The following JAK2 variants were observed in gnomAD, a reference collection of about 807,000 sequenced individuals.
JAK2 encodes Janus kinase 2.
Under a neutral mutation model 139.3 loss-of-function variants are expected in JAK2, and 86 were observed. The ratio of observed to expected loss-of-function variants is 0.62; its 90% CI spans 0.52 to 0.74. The LOEUF (loss-of-function observed/expected upper bound fraction) is 0.74. JAK2 is among the 30% of genes least tolerant of loss of function. The pLI is 0.00. For missense variants in JAK2, 1,421 were observed against 1,360.3 expected (o/e 1.04, Z -0.70); for synonymous variants, 490 against 437.7 (o/e 1.12, Z -1.49).
chr9:5,113,925 G>A (rs907485145), intron 22 of JAK2: 8 of 237,096 alleles, frequency 3.4e-5, no homozygotes, highest in African/African-American at 1.2e-4. Flanking sequence ...ACTTACCCCC[G>A]ACCATCCAGT....
At chr9:5,026,870 T>A (rs1822816879) in intron 3 of JAK2, among the ~76,000 whole-genome samples, 2 of 152,230 alleles carry the variant, frequency 1.3e-5, no homozygotes, top group Admixed American at 6.5e-5. Context: ...AGAAATTACA[T>A]ATGCACTCAC....
intron 23 of JAK2, among the ~76,000 whole-genome samples, chr9:5,124,851 C>A (rs983101061): frequency 6.6e-6 from 1 of 151,332 alleles, no homozygotes; most frequent in African/African-American, 2.4e-5. Flanking sequence ...GAATAGTAAG[C>A]CTAGGACTCA....
chr9:5,016,792 T>A (rs1822095789), intron 2 of JAK2, among the ~76,000 whole-genome samples: 1 of 152,082 alleles, frequency 6.6e-6, no homozygotes, highest in South Asian at 2.1e-4. Flanking sequence ...TATCCTAACT[T>A]TTTTTCACCA....
intron 22 of JAK2, chr9:5,108,488 C>T (rs1043599068): frequency 1.3e-5 from 2 of 152,064 alleles, no homozygotes; most frequent in African/African-American, 4.8e-5. Context: ...TGTTAGCCTC[C>T]TTATCCAATA....
intron 23 of JAK2, among the ~76,000 whole-genome samples, chr9:5,125,485 T>G (rs1564028810): frequency 2.0e-5 from 3 of 151,466 alleles, no homozygotes; most frequent in African/African-American, 7.2e-5. Context: ...AACATCCTCA[T>G]GCATAAATAT....
At chr9:5,046,031 A>G (rs540912343) in intron 5 of JAK2, among the ~76,000 whole-genome samples, 2 of 152,288 alleles carry the variant, frequency 1.3e-5, no homozygotes, top group South Asian at 4.1e-4. Flanking sequence ...CAATTTCTCA[A>G]CATCCTCAAC....
intron 2 of JAK2, among the ~76,000 whole-genome samples, chr9:5,007,057 T>C (rs958877462): frequency 3.5e-4 from 54 of 152,162 alleles, no homozygotes; most frequent in African/African-American, 1.2e-3. Flanking sequence ...TTTATCAATT[T>C]TAATGCTTTT....
intron 8 of JAK2, among the ~76,000 whole-genome samples, chr9:5,064,662 C>T (rs1277421526): frequency 6.6e-6 from 1 of 152,042 alleles, no homozygotes; most frequent in African/African-American, 2.4e-5. Context: ...AAAATGATGG[C>T]TATAGAGTGA....
chr9:4,996,081 A>G (rs934409108), intron 2 of JAK2, among the ~76,000 whole-genome samples: 1 of 152,240 alleles, frequency 6.6e-6, no homozygotes, highest in Non-Finnish European at 1.5e-5. Flanking sequence ...GGATAAGTTC[A>G]TTTAACATTG....
At chr9:5,070,283 T>C (rs1310001771) in intron 12 of JAK2, among the ~76,000 whole-genome samples, 2 of 152,174 alleles carry the variant, frequency 1.3e-5, no homozygotes, top group Admixed American at 1.3e-4. Context: ...AATTTAAAAA[T>C]GATTCTTCAC....
At position 5,090,713 on chromosome 9, in the gene JAK2, C is replaced by T. The variant is rs899524223; in HGVS notation, c.2887-26C>T. The stretch of plus-strand genomic sequence containing the variant: ...AAATTGTTTATATTTATAAAACTAG[C>T]TGAAAGAAAAATGTTTTATCCATAG... On this transcript the variant is annotated intron_variant, in intron 21 of 24. Transcript: ENST00000381652. The T allele has an allele frequency of 2.6e-6, 4 of 1,562,692 alleles. No homozygotes were observed. The African/African-American group carries it at 5.5e-5, about 22-fold the overall frequency.
At chr9:5,113,693 A>T (rs1311798977) in intron 22 of JAK2, 1 of 165,694 alleles carries the variant, frequency 6.0e-6, no homozygotes, top group African/African-American at 2.4e-5. Flanking sequence ...AGGCTCCCTC[A>T]ACAGGAGCGC....
At chr9:4,997,395 G>A (rs1725834431) in intron 2 of JAK2, among the ~76,000 whole-genome samples, 1 of 152,178 alleles carries the variant, frequency 6.6e-6, no homozygotes, top group African/African-American at 2.4e-5. Flanking sequence ...ATGGTCAAAA[G>A]CTAAGAGGGA....
At chr9:5,060,903 AC>A (rs1321255902) in intron 8 of JAK2, among the ~76,000 whole-genome samples, 4 of 152,162 alleles carry the variant, frequency 2.6e-5, no homozygotes, top group Non-Finnish European at 5.9e-5. Flanking sequence ...AGTTGAAATT[AC>A]TCCTTGACCC....
intron 10 of JAK2, among the ~76,000 whole-genome samples, 196 bp from the exon 11 acceptor site, chr9:5,068,826 C>T (rs1818746730): frequency 1.3e-5 from 2 of 152,090 alleles, no homozygotes; most frequent in South Asian, 4.1e-4. Context: ...ACTTTTAAAC[C>T]ACTTTTGTAG....
chr9:5,041,237 C>T (rs776551127), intron 4 of JAK2: 154 of 1,462,952 alleles, frequency 1.1e-4, no homozygotes, highest in Admixed American at 1.9e-4. Flanking sequence ...GGGGACCAAG[C>T]GGCAGCACGC....
chr9:5,058,690 C>G (rs1399620307), intron 8 of JAK2, among the ~76,000 whole-genome samples: 1 of 152,166 alleles, frequency 6.6e-6, no homozygotes. Flanking sequence ...TCTCCACATG[C>G]TCATCAAAAC....
chr9:5,000,284 G>T (rs1371073449), intron 2 of JAK2, among the ~76,000 whole-genome samples: 1 of 151,924 alleles, frequency 6.6e-6, no homozygotes, highest in Non-Finnish European at 1.5e-5. Flanking sequence ...AGAGTTTTTG[G>T]TATAGAAATA....
At chr9:5,095,675 C>T (rs1212827332) in intron 22 of JAK2, among the ~76,000 whole-genome samples, 1 of 152,140 alleles carries the variant, frequency 6.6e-6, no homozygotes, top group East Asian at 1.9e-4. Flanking sequence ...TCAATAAACA[C>T]GACCAGTCTC....
Sources: allele counts gnomAD v4.1 joint callset (sites outside exome capture counted in the v4.1 genomes callset), GRCh38; gene constraint gnomAD v4.1.1; transcripts MANE v1.5; gene names NCBI Gene and HGNC (gene_info 2026-07-23, HGNC 2026-07-21).